PTCH1: variants seen among roughly 807,000 people sequenced by gnomAD.
The protein encoded by PTCH1 is patched 1, also known as protein patched homolog 1.
In PTCH1, 14 loss-of-function variants were observed where a neutral mutation model predicts 144.6. The observed-to-expected ratio is 0.10, with a 90% CI of 0.06 to 0.15. PTCH1 has a LOEUF of 0.15. Ranked by LOEUF, PTCH1 falls within the 10% of genes least tolerant of loss-of-function variation. PTCH1 has a pLI of 1.00. For missense variants in PTCH1, 1,623 were observed against 1,948.3 expected (o/e 0.83, Z 3.14); for synonymous variants, 833 against 793.6 (o/e 1.05, Z -0.83).
chr9:95,461,046 C>A, intron 16 of PTCH1, among the ~76,000 whole-genome samples: 1 of 152,040 alleles, frequency 6.6e-6, no homozygotes, highest in East Asian at 1.9e-4. Context: ...CGGTTTTCTG[C>A]CTGAAGGTGA....
At chr9:95,446,654 G>A in intron 23 of PTCH1, 1 of 591,366 alleles carries the variant, frequency 1.7e-6, no homozygotes. Context: ...GGTGCTGTTT[G>A]TGTCCTTGTG....
chr9:95,495,865 C>T lies in PTCH1; in HGVS notation c.395-9991G>A, dbSNP rs184249275. Among the ~76,000 whole-genome samples the T allele has an allele frequency of 1.4e-3, 210 of 152,244 alleles. 1 individual carries two copies. The highest frequency in any genetic ancestry group is 3.4e-3 in the Middle Eastern group (1 of 294). On this transcript the variant is annotated intron_variant, in intron 2 of 23. Transcript: ENST00000331920. ...GGGAATCATTTACCTACCTCCATCC[C>T]GGCCCCACTCATCTGGACCCTGCAT... is the stretch of plus-strand genomic sequence containing the variant.
intron 1 of PTCH1, chr9:95,507,806 G>A: frequency 2.0e-6 from 1 of 501,206 alleles, no homozygotes; most frequent in Non-Finnish European, 2.8e-6. Flanking sequence ...TCAGGGCAGG[G>A]GGCACGGGGC....
chr9:95,454,517 C>T (rs1239703523), intron 19 of PTCH1, among the ~76,000 whole-genome samples: 1 of 152,196 alleles, frequency 6.6e-6, no homozygotes, highest in Non-Finnish European at 1.5e-5. Flanking sequence ...TTCTCTCAAA[C>T]AGGTTCTACT....
At chr9:95,512,271 T>G (rs1420509759), upstream of PTCH1, among the ~76,000 whole-genome samples, 1 of 152,178 alleles carries the variant, frequency 6.6e-6, no homozygotes, top group East Asian at 1.9e-4. Context: ...GTTTGATGGG[T>G]TAACTTTTCA....
At chr9:95,450,335 C>G in intron 20 of PTCH1, 1 of 317,244 alleles carries the variant, frequency 3.2e-6, no homozygotes, top group Non-Finnish European at 6.0e-6. Flanking sequence ...TCGTGAAAAC[C>G]CAGCAGAAGC....
rs115556836 is a variant in PTCH1 at position 95,468,818 on chromosome 9, G to A, written c.2183C>T (p.Thr728Met). The change falls in exon 14 of 24, where the codon ACG (threonine) becomes ATG (methionine). Residue 728 changes from threonine to methionine, a missense_variant. By Grantham distance (81) the Thr-to-Met change is moderately conservative. Around this residue, in one of 7 missense-constraint regions of PTCH1, gnomAD observed 179 missense variants for 165.7 expected, o/e 1.08. Coordinates refer to ENST00000331920, the MANE Select transcript of PTCH1 (RefSeq NM_000264.5). ...SSLHCLEPPC[T>M]KWTLSSFAEK... ...AGCAAAAGATGAGAGTGTCCACTTC[G>A]TACAGGGGGGCTCGAGGCAGTGGAG... 1.1e-3 allele frequency: 1,812 copies of A among 1,614,146 alleles called. 19 individuals are homozygous for A. The African/African-American group carries it at 0.022, about 19-fold the overall frequency.
intron 14 of PTCH1, 123 bp downstream of exon 14, chr9:95,468,628 C>A (rs576644305): frequency 5.9e-5 from 79 of 1,348,494 alleles, no homozygotes; most frequent in Non-Finnish European, 7.9e-5. Flanking sequence ...TGAAATGTAT[C>A]ATACTTAAAC....
rs567339257 is a variant in PTCH1, at chr9:95,455,924, C to T, written c.3306+352G>A. ...CTCTGTGTATGCCCACCCACACACT[C>T]ACCACATAATCCGCCTTATGAACAA... On this transcript the variant is annotated intron_variant, in intron 19 of 23. Coordinates refer to ENST00000331920, the MANE Select transcript of PTCH1 (RefSeq NM_000264.5). Among the ~76,000 whole-genome samples the T allele has an allele frequency of 3.9e-5, 6 of 152,340 alleles. No homozygotes were observed. In the South Asian group the frequency reaches 6.2e-4, roughly 16 times the overall value.
At chr9:95,453,697 C>G in intron 19 of PTCH1, 77 bp from the exon 20 acceptor site, 1 of 1,587,020 alleles carries the variant, frequency 6.3e-7, no homozygotes, top group East Asian at 2.2e-5. Context: ...CTAAATGTTA[C>G]AAGCTCTCAG....
rs1410226185 is a variant in PTCH1, at chr9:95,449,332, G to A, written c.3550-9C>T. 2 of 1,544,926 alleles carry A rather than the reference G, an allele frequency of 1.3e-6. No individual in the cohort carries two copies. Among genetic ancestry groups the A allele is most frequent in the Admixed American group, 3.9e-5 (2 of 51,082 alleles). ...CCGTTGGCTGGAGACACCTATTTAA[G>A]GGGATTCCATGTTAAAAGTGTTCTT... On this transcript the variant is annotated splice_polypyrimidine_tract_variant and intron_variant, in intron 21 of 23. Transcript: ENST00000331920. This position sits in a 1 kb window ranked among gnomAD's most constrained non-coding sequence, Gnocchi z 5.3.
rs757344587 is a variant in PTCH1 at position 95,469,108 on chromosome 9, G to T, written c.1893C>A (p.Thr631=). The T allele has an allele frequency of 6.2e-7, 1 of 1,614,080 alleles. No homozygotes were observed. ...RVIQVEPQAY[T]DTHDNTRYSP... ...TGTAGCGGGTATTGTCGTGTGTGTC[G>T]GTGTAGGCCTGAGGTTCAACCTGAA... is the stretch of plus-strand genomic sequence containing the variant. The change falls in exon 14 of 24, where the codon ACC becomes ACA. Residue 631 remains threonine, a synonymous_variant. Transcript: ENST00000331920.
At chr9:95,504,404 T>G (rs1460840926) in intron 2 of PTCH1, among the ~76,000 whole-genome samples, 1 of 152,236 alleles carries the variant, frequency 6.6e-6, no homozygotes, top group Non-Finnish European at 1.5e-5. Flanking sequence ...TATGCAATGT[T>G]AAGAAAATAA....
At chr9:95,446,767 C>G (rs1837933033) in intron 23 of PTCH1, 144 bp downstream of exon 23, 3 of 1,070,268 alleles carry the variant, frequency 2.8e-6, no homozygotes, top group Non-Finnish European at 2.8e-6. Flanking sequence ...CAGCCTTGCT[C>G]TGGGGATAAA....
At chr9:95,473,859 CAGAG>C (rs752455769) in intron 12 of PTCH1, among the ~76,000 whole-genome samples, 2 of 152,026 alleles carry the variant, frequency 1.3e-5, no homozygotes, top group Non-Finnish European at 2.9e-5. Context: ...TTTCTTTTGA[CAGAG>C]AATTAACCAG....
At chr9:95,466,260 T>C (rs1367232799) in intron 15 of PTCH1, among the ~76,000 whole-genome samples, 1 of 152,244 alleles carries the variant, frequency 6.6e-6, no homozygotes, top group East Asian at 1.9e-4. Flanking sequence ...TAGGCCAGGC[T>C]GGTCTCGAAC....
At chr9:95,490,910 G>A (rs1842352132) in intron 2 of PTCH1, among the ~76,000 whole-genome samples, 1 of 152,158 alleles carries the variant, frequency 6.6e-6, no homozygotes, top group African/African-American at 2.4e-5. Flanking sequence ...TGTGTTTGAG[G>A]TGATGGACAT....
intron 15 of PTCH1, among the ~76,000 whole-genome samples, chr9:95,465,436 C>T (rs1045248125): frequency 2.6e-5 from 4 of 152,216 alleles, no homozygotes; most frequent in Admixed American, 6.5e-5. Flanking sequence ...AAAACCATTG[C>T]TTTCTAAACT....
At chr9:95,473,958 A>G (rs1260020299) in intron 12 of PTCH1, 1 of 419,614 alleles carries the variant, frequency 2.4e-6, no homozygotes, top group African/African-American at 2.1e-5. Flanking sequence ...TGGTGCTTTG[A>G]AACAGAAACA....
Sources: gnomAD v4.1 joint callset for allele counts (sites outside exome capture counted in the v4.1 genomes callset) on GRCh38, gnomAD v4.1.1 for gene constraint, gnomAD v4.1.1 regional missense constraint, Gnocchi (gnomAD v3.1) non-coding constraint, MANE v1.5 for transcripts, NCBI Gene and HGNC (gene_info 2026-07-23, HGNC 2026-07-21) for gene names.